SLC25A17: variants seen among roughly 807,000 people sequenced by gnomAD.
The protein encoded by SLC25A17 is peroxisomal membrane protein PMP34.
A neutral mutation model predicts 38.5 loss-of-function variants in SLC25A17; 26 were observed. The observed-to-expected ratio is 0.68, with a 90% confidence interval of 0.50 to 0.94. The LOEUF (loss-of-function observed/expected upper bound fraction) is 0.94, where lower values mean the gene tolerates loss of function less well. Among genes scored for constraint, SLC25A17 ranks in the 40% least tolerant of loss-of-function variants. SLC25A17 has a pLI of 0.00. For synonymous variants in SLC25A17, 139 were observed against 136.2 expected (o/e 1.02, Z -0.14); for missense variants, 333 against 372.7 (o/e 0.89, Z 0.88).
At chr22:40,809,059 T>A (rs911370645) in intron 1 of SLC25A17, among the ~76,000 whole-genome samples, 1 of 151,992 alleles carries the variant, frequency 6.6e-6, no homozygotes, top group African/African-American at 2.4e-5. Flanking sequence ...AAATATGGTT[T>A]AAAAAATATA....
chr22:40,816,975 C>T (rs773980508), intron 1 of SLC25A17, among the ~76,000 whole-genome samples: 12 of 152,218 alleles, frequency 7.9e-5, no homozygotes, highest in African/African-American at 1.4e-4. Flanking sequence ...ACCTTCTCTA[C>T]TGTACTCCTT....
chr22:40,813,171 C>T (rs2057600403), intron 1 of SLC25A17, among the ~76,000 whole-genome samples: 1 of 152,146 alleles, frequency 6.6e-6, no homozygotes, highest in South Asian at 2.1e-4. Context: ...CTTCAAATCT[C>T]TATGTCTCAA....
intron 5 of SLC25A17, among the ~76,000 whole-genome samples, chr22:40,777,989 G>A (rs763474275): frequency 5.3e-5 from 8 of 152,148 alleles, no homozygotes; most frequent in South Asian, 2.1e-4. Context: ...ACTGTGAACT[G>A]AGCCCACATA....
In SLC25A17 at chr22:40,819,322, C is replaced by A. The variant is rs1268546828; in HGVS notation, c.-74G>T. On this transcript the variant is annotated 5_prime_UTR_variant, in exon 1 of 9. Coordinates refer to ENST00000435456, the MANE Select transcript of SLC25A17 (RefSeq NM_006358.4). ...AGCCAGTGGAGTTAGGAAAGGAGCA[C>A]CGGAGCTCAGGGTGTGAGAGTCGCA... The A allele has an allele frequency of 6.6e-6, 10 of 1,506,498 alleles. No homozygotes were observed. In the East Asian group the frequency reaches 2.1e-4, roughly 32 times the overall value. The allele number at this position is 1,506,498 out of a possible 1,614,324, so 93.3% of individuals were successfully genotyped here. A position where few individuals can be genotyped will look rare whatever the true frequency, so the allele number is the denominator to read the frequency against.
intron 1 of SLC25A17, among the ~76,000 whole-genome samples, chr22:40,803,820 G>GT (rs772323398): frequency 0.04 from 4,706 of 117,350 alleles, 72 homozygotes; most frequent in Non-Finnish European, 0.044. Context: ...GCTAGTTTTT[G>GT]TTTTTTTTTT....
chr22:40,774,157 C>A, intron 7 of SLC25A17, 138 bp from the exon 8 acceptor site: 2 of 513,998 alleles, frequency 3.9e-6, no homozygotes, highest in Non-Finnish European at 3.5e-6. Context: ...CCATAGATTT[C>A]ATTAATCCTG....
At chr22:40,801,199 A>G (rs559732935) in intron 1 of SLC25A17, among the ~76,000 whole-genome samples, 1 of 145,558 alleles carries the variant, frequency 6.9e-6, no homozygotes, top group Non-Finnish European at 1.5e-5. Context: ...AGCTAGGTCA[A>G]CTTAAATAAG....
At chr22:40,775,429 T>G (rs2057230931) in intron 7 of SLC25A17, among the ~76,000 whole-genome samples, 1 of 143,852 alleles carries the variant, frequency 7.0e-6, no homozygotes, top group Non-Finnish European at 1.5e-5. Context: ...TCTCATGAGA[T>G]CTGATGGTTT....
At chr22:40,779,522 A>G (rs1242333786) in intron 4 of SLC25A17, 2 of 381,858 alleles carry the variant, frequency 5.2e-6, no homozygotes, top group Non-Finnish European at 9.5e-6. Context: ...ATATCAGATA[A>G]AACACACAAT....
chr22:40,778,886 A>T, intron 5 of SLC25A17, 123 bp downstream of exon 5: 1 of 780,996 alleles, frequency 1.3e-6, no homozygotes, highest in Non-Finnish European at 2.1e-6. Flanking sequence ...ACAAGAAAAA[A>T]AATCAAACAA....
At chr22:40,818,859 C>T (rs1764342713) in intron 1 of SLC25A17, among the ~76,000 whole-genome samples, 3 of 152,262 alleles carry the variant, frequency 2.0e-5, no homozygotes, top group Admixed American at 1.3e-4. Context: ...CCTACGTTCT[C>T]CTCCGGGCCA....
chr22:40,770,656 A>AGT lies in SLC25A17; in HGVS notation c.*177_*178insAC, dbSNP rs2057172076. 17 of 472,946 alleles carry AGT rather than the reference A, an allele frequency of 3.6e-5. No homozygotes were observed. In the East Asian group the frequency reaches 5.9e-4, roughly 16 times the overall value. The allele number at this position is 472,946 out of a possible 1,614,324, so 29.3% of individuals were successfully genotyped here. ...CCAAAATCCAACCAGCCAGCATGAC[A>AGT]ATTAAGGTGACAACAGGTCCAGTTG... is the stretch of plus-strand genomic sequence containing the variant. On this transcript the variant is annotated 3_prime_UTR_variant, in exon 9 of 9. Coordinates refer to ENST00000435456, the MANE Select transcript of SLC25A17 (RefSeq NM_006358.4).
In SLC25A17 at chr22:40,796,653, A is replaced by G. The variant is rs559499388; in HGVS notation, c.116-2073T>C. 3.3e-5 allele frequency among the ~76,000 whole-genome samples: 5 copies of G among 152,170 alleles called. No individual in the cohort carries two copies. In the South Asian group the frequency reaches 1.0e-3, roughly 32 times the overall value. On this transcript the variant is annotated intron_variant, in intron 2 of 8. Transcript: ENST00000435456. ...AAAAGAAGGCAATCTGGCAATAACC[A>G]TCAAAATTACAAATACAATTACCCT...
rs146035762 is a variant in SLC25A17, at chr22:40,803,634, C to T, written c.55-4551G>A. Among the ~76,000 whole-genome samples the T allele has an allele frequency of 4.8e-3, 728 of 151,648 alleles. 6 individuals carry two copies. Among genetic ancestry groups the T allele is most frequent in the Non-Finnish European group, 7.4e-3 (505 of 67,866 alleles). On this transcript the variant is annotated intron_variant, in intron 1 of 8. Coordinates refer to ENST00000435456, the MANE Select transcript of SLC25A17 (RefSeq NM_006358.4). ...CAGATATGCAGAGGTCTCTTTGACA[C>T]GCTGATTTCATTTCCTTTGGATATA...
At chr22:40,771,066 A>G in intron 8 of SLC25A17, 85 bp from the exon 9 acceptor site, 1 of 1,190,222 alleles carries the variant, frequency 8.4e-7, no homozygotes, top group Non-Finnish European at 1.1e-6. Context: ...GATAAGAACA[A>G]GCAATAGAGG....
chr22:40,798,785 G>A (rs1257938433), intron 2 of SLC25A17, among the ~76,000 whole-genome samples: 1 of 151,208 alleles, frequency 6.6e-6, no homozygotes, highest in African/African-American at 2.4e-5. Context: ...TGGCCCATAT[G>A]GTGAAACACC....
At chr22:40,808,288 A>G (rs527422777) in intron 1 of SLC25A17, among the ~76,000 whole-genome samples, 1 of 152,324 alleles carries the variant, frequency 6.6e-6, no homozygotes, top group South Asian at 2.1e-4. Context: ...TGTTGGGAGA[A>G]TAAGTGACTT....
At chr22:40,816,917 TTTA>T (rs1181254654) in intron 1 of SLC25A17, among the ~76,000 whole-genome samples, 1 of 152,218 alleles carries the variant, frequency 6.6e-6, no homozygotes, top group Admixed American at 6.5e-5. Flanking sequence ...AGCCTATTCA[TTTA>T]TTGTCTGACT....
At chr22:40,795,837 G>A (rs2057424571) in intron 2 of SLC25A17, among the ~76,000 whole-genome samples, 1 of 152,048 alleles carries the variant, frequency 6.6e-6, no homozygotes, top group South Asian at 2.1e-4. Context: ...GCCCATGCTG[G>A]AGTGCAGTGG....
Sources: gnomAD v4.1 joint callset for allele counts (sites outside exome capture counted in the v4.1 genomes callset) on GRCh38, gnomAD v4.1.1 for gene constraint, MANE v1.5 for transcripts, NCBI Gene and HGNC (gene_info 2026-07-23, HGNC 2026-07-21) for gene names.